The following BTF3 variants were observed in gnomAD, a reference collection of about 807,000 sequenced individuals.
The protein encoded by BTF3 is basic transcription factor 3.
BTF3 carries 12 observed loss-of-function variants against 23.9 expected under a neutral mutation model. The observed-to-expected ratio is 0.50, with a 90% CI of 0.32 to 0.81. BTF3 has a LOEUF of 0.81. BTF3 is among the 40% of genes least tolerant of loss of function. BTF3 has a pLI of 0.03. For synonymous variants in BTF3, 96 were observed against 94.8 expected, an observed-to-expected ratio of 1.01 and a Z score of -0.07; for missense variants, 215 against 255.9, an observed-to-expected ratio of 0.84 and a Z score of 1.09.
intron 2 of BTF3, 79 bp downstream of exon 2, chr5:73,499,281 C>T: frequency 1.4e-6 from 2 of 1,456,762 alleles, no homozygotes; most frequent in Non-Finnish European, 9.5e-7. Flanking sequence ...TTTTGCGCTT[C>T]TTATATTATC....
At chr5:73,499,087 T>TA (rs1746370114) in intron 1 of BTF3, 47 bp from the exon 2 acceptor site, 1 of 1,557,364 alleles carries the variant, frequency 6.4e-7, no homozygotes, top group Non-Finnish European at 8.7e-7. Flanking sequence ...CATGGAATGC[T>TA]AGAGTGAGCT....
chr5:73,504,409 A>T lies in BTF3; in HGVS notation c.574+6A>T, dbSNP rs1746509804. 1.9e-6 allele frequency: 3 copies of T among 1,600,674 alleles called. No homozygotes were observed. The highest frequency in any genetic ancestry group is 1.1e-5 in the South Asian group (1 of 88,674). ...TGATGATGATGAAGTTCCAGGTAGG[A>T]ACGTTTACTTGTGGTTAACCTAGAG... is the stretch of plus-strand genomic sequence containing the variant. On this transcript the variant is annotated splice_donor_region_variant and intron_variant, in intron 5 of 5. Coordinates refer to ENST00000380591, the MANE Select transcript of BTF3 (RefSeq NM_001037637.2).
At chr5:73,500,607 C>T (rs763073390) in intron 2 of BTF3, among the ~76,000 whole-genome samples, 10 of 152,124 alleles carry the variant, frequency 6.6e-5, no homozygotes, top group Non-Finnish European at 1.3e-4. Flanking sequence ...GTTTAAGAAA[C>T]GTACTTATTA....
chr5:73,498,972 C>G (rs1364037971), intron 1 of BTF3, among the ~76,000 whole-genome samples, 162 bp from the exon 2 acceptor site: 1 of 152,062 alleles, frequency 6.6e-6, no homozygotes, highest in East Asian at 1.9e-4. Context: ...GCTCTTTGGG[C>G]TCCCTGGAAA....
chr5:73,499,719 C>G, intron 2 of BTF3: 1 of 181,982 alleles, frequency 5.5e-6, no homozygotes, highest in South Asian at 1.1e-4. Context: ...AAGTAGGTAT[C>G]TTTCCTGTTC....
Position 73,499,142 on chromosome 5 carries a change from A to C in BTF3, c.141A>C (p.Glu47Asp). 6.2e-7 allele frequency: 1 copy of C among 1,608,984 alleles called. No individual in the cohort carries two copies. The highest frequency in any genetic ancestry group is 8.5e-7 in the Non-Finnish European group (1 of 1,178,952). Residue 47 changes from glutamate (E) to aspartate (D), a missense_variant, in exon 2 of 6, where the codon GAA becomes GAC. Physicochemically the swap from Glu to Asp is conservative, Grantham distance 45. Around this residue, in one of 2 missense-constraint regions of BTF3, gnomAD observed 116 missense variants for 84.7 expected, o/e 1.37. Coordinates refer to ENST00000380591, the MANE Select transcript of BTF3 (RefSeq NM_001037637.2). The part of the protein sequence containing the change: ...GTRGQEPQMK[E>D]TIMNQEKLAK... Reference sequence around the variant, plus strand: ...ATTTCCTCTTTTTCTAGATGAAAGAAACAATCATGAACCAGGAAAAACTCG... The same window carrying C: ...ATTTCCTCTTTTTCTAGATGAAAGACACAATCATGAACCAGGAAAAACTCG...
rs746411488 is a variant in BTF3, at chr5:73,502,997, A to C, written c.397A>C (p.Thr133Pro). 6.2e-7 allele frequency: 1 copy of C among 1,613,852 alleles called. No individual in the cohort carries two copies. Among genetic ancestry groups the C allele is most frequent in the Non-Finnish European group, 8.5e-7 (1 of 1,179,878 alleles). ...GGCATCTCTGGCAGCGAACACTTTC[A>C]CCATTACAGGCCATGCTGAGACAAA... ...VQASLAANTF[T>P]ITGHAETKQL... Residue 133 changes from threonine (T) to proline (P), a missense_variant, in exon 4 of 6, where the codon ACC becomes CCC. Physicochemically the swap from Thr to Pro is conservative, Grantham distance 38. This residue lies in a region of BTF3 where 99 missense variants were observed against 171.2 expected (regional missense o/e 0.58). Coordinates refer to ENST00000380591, the MANE Select transcript of BTF3 (RefSeq NM_001037637.2).
chr5:73,503,843 C>CTG, intron 4 of BTF3, among the ~76,000 whole-genome samples: 1 of 152,334 alleles, frequency 6.6e-6, no homozygotes, highest in Middle Eastern at 3.4e-3. Context: ...CATAACTCTC[C>CTG]TGTGTACGTT....
intron 2 of BTF3, among the ~76,000 whole-genome samples, chr5:73,500,814 A>G (rs1746418060): frequency 6.6e-6 from 1 of 152,198 alleles, no homozygotes; most frequent in South Asian, 2.1e-4. Context: ...TGTCTTTACA[A>G]TCTTAGAAAT....
chr5:73,500,924 C>T (rs1746420543), intron 2 of BTF3, among the ~76,000 whole-genome samples: 1 of 149,490 alleles, frequency 6.7e-6, no homozygotes, highest in Non-Finnish European at 1.5e-5. Flanking sequence ...GGTTAGTAAC[C>T]AGTACTTTTT....
chr5:73,501,576 T>C (rs1746437693), intron 2 of BTF3, among the ~76,000 whole-genome samples: 1 of 151,780 alleles, frequency 6.6e-6, no homozygotes, highest in Non-Finnish European at 1.5e-5. Flanking sequence ...GAAAGAGCCA[T>C]GTAGATGTTC....
chr5:73,498,839 C>T (rs774205468), intron 1 of BTF3, 40 bp downstream of exon 1: 64 of 1,499,648 alleles, frequency 4.3e-5, no homozygotes, highest in South Asian at 1.0e-4. Context: ...GCCGGGCAGG[C>T]CCTGGCTAGG....
intron 1 of BTF3, 41 bp downstream of exon 1, chr5:73,498,840 C>T (rs1746348769): frequency 6.7e-7 from 1 of 1,497,266 alleles, no homozygotes; most frequent in Admixed American, 2.6e-5. Context: ...CCGGGCAGGC[C>T]CTGGCTAGGC....
At chr5:73,502,650 AG>A in intron 3 of BTF3, 49 bp downstream of exon 3, 1 of 1,422,506 alleles carries the variant, frequency 7.0e-7, no homozygotes, top group East Asian at 2.4e-5. Flanking sequence ...GGCTGGGAAA[AG>A]TTAACGTTAA....
chr5:73,499,867 T>G (rs905015547), intron 2 of BTF3, among the ~76,000 whole-genome samples: 1 of 151,972 alleles, frequency 6.6e-6, no homozygotes, highest in Non-Finnish European at 1.5e-5. Flanking sequence ...TTTTAGATTG[T>G]CCTGTAATTA....
intron 2 of BTF3, among the ~76,000 whole-genome samples, chr5:73,502,214 T>C (rs1037406532): frequency 6.6e-6 from 1 of 151,930 alleles, no homozygotes; most frequent in Non-Finnish European, 1.5e-5. Flanking sequence ...GTGGAATTCT[T>C]TCAAATGCTT....
intron 4 of BTF3, 73 bp downstream of exon 4, chr5:73,503,190 A>G (rs1746480583): frequency 1.4e-6 from 2 of 1,479,002 alleles, no homozygotes; most frequent in South Asian, 2.3e-5. Context: ...AGGGCTCAGA[A>G]TGGATATGAG....
At position 73,498,725 on chromosome 5, in the gene BTF3, G is replaced by T; in HGVS notation, c.58G>T (p.Gly20Cys). 6.7e-7 allele frequency: 1 copy of T among 1,488,392 alleles called. No homozygotes were observed. Among genetic ancestry groups the T allele is most frequent in the Middle Eastern group, 1.9e-4 (1 of 5,220 alleles). The allele number at this position is 1,488,392 out of a possible 1,614,324, so 92.2% of individuals were successfully genotyped here. ...ADSRGRGRAR[G>C]GCPGGEATLS... ...CTCTCGGGGGCGAGGTCGAGCCAGG[G>T]GCGGCTGCCCTGGGGGCGAGGCGAC... is the stretch of plus-strand genomic sequence containing the variant. Residue 20 changes from glycine (G) to cysteine (C), a missense_variant, in exon 1 of 6, where the codon GGC becomes TGC. Coordinates refer to ENST00000380591, the MANE Select transcript of BTF3 (RefSeq NM_001037637.2).
chr5:73,505,038 C>CTTTT (rs59856963), intron 5 of BTF3, among the ~76,000 whole-genome samples, 154 bp from the exon 6 acceptor site: 2 of 142,130 alleles, frequency 1.4e-5, no homozygotes, highest in African/African-American at 5.2e-5. Context: ...ATTTTTTTCA[C>CTTTT]TTTTTTTTTT....
Sources: gnomAD v4.1 joint callset for allele counts (sites outside exome capture counted in the v4.1 genomes callset) on GRCh38, gnomAD v4.1.1 for gene constraint, gnomAD v4.1.1 regional missense constraint, MANE v1.5 for transcripts, NCBI Gene and HGNC (gene_info 2026-07-23, HGNC 2026-07-21) for gene names.